Variants in DPP6 observed in about 807,000 individuals in gnomAD.
The protein encoded by DPP6 is A-type potassium channel modulatory protein DPP6.
In DPP6, 69 loss-of-function variants were observed where a neutral mutation model predicts 122.6. That is an observed-to-expected ratio of 0.56 (90% CI 0.46 to 0.69). DPP6 has a LOEUF of 0.69. Among genes scored for constraint, DPP6 ranks in the 30% least tolerant of loss-of-function variants. DPP6 has a pLI of 0.00. For missense variants in DPP6, 928 were observed against 1,116.9 expected (o/e 0.83, Z 2.41); for synonymous variants, 418 against 433.1 (o/e 0.97, Z 0.43).
the DPP6 span, among the ~76,000 whole-genome samples, chr7:153,858,206 A>G: frequency 6.6e-6 from 1 of 152,202 alleles, no homozygotes; most frequent in African/African-American, 2.4e-5. Context: ...CAGTTGAGTT[A>G]GAGTGAGCTC....
intron 1 of DPP6, among the ~76,000 whole-genome samples, chr7:153,965,502 A>G (rs1165766143): frequency 6.6e-6 from 1 of 151,924 alleles, no homozygotes; most frequent in East Asian, 1.9e-4. Flanking sequence ...TCCATGCACC[A>G]ATTCTTTTTA....
intron 1 of DPP6, among the ~76,000 whole-genome samples, chr7:154,178,568 C>T (rs1205340258): frequency 6.6e-6 from 1 of 151,418 alleles, no homozygotes; most frequent in East Asian, 1.9e-4. Context: ...TGCTCTGCAA[C>T]ATAGGCGAGA....
chr7:153,894,209 A>G (rs1425401051), intron 1 of DPP6, among the ~76,000 whole-genome samples: 1 of 152,202 alleles, frequency 6.6e-6, no homozygotes, highest in African/African-American at 2.4e-5. Context: ...CCCAATTTGT[A>G]TAATCAGCTT....
intron 1 of DPP6, among the ~76,000 whole-genome samples, chr7:154,123,078 C>A: frequency 6.6e-6 from 1 of 152,144 alleles, no homozygotes. Context: ...TGGCAAGACA[C>A]ATTGGGGTTA....
chr7:154,547,104 C>T (rs1404250449), intron 4 of DPP6, among the ~76,000 whole-genome samples: 1 of 152,230 alleles, frequency 6.6e-6, no homozygotes, highest in Non-Finnish European at 1.5e-5. Context: ...CAGGAACAGG[C>T]TGGCCCCCGG....
Position 154,241,213 on chromosome 7 carries a change from GTGTGTGTATA to G in DPP6, c.243+188152_243+188161del, listed in dbSNP as rs1801583603. The stretch of plus-strand genomic sequence containing the variant: ...TGTGTGTGTGTGTGTGTGTGTGTGT[GTGTGTGTATA>G]TATATATAGAGAGAGAGAGAGACAC... On this transcript the variant is annotated intron_variant, in intron 1 of 25. Transcript: ENST00000377770. The surrounding 1 kb of genome is among the most constrained non-coding windows in gnomAD (Gnocchi z 9.0). 1.3e-5 allele frequency among the ~76,000 whole-genome samples: 2 copies of G among 150,234 alleles called. No individual in the cohort carries two copies. Among genetic ancestry groups the G allele is most frequent in the African/African-American group, 5.0e-5 (2 of 39,916 alleles).
At chr7:154,572,352 C>A (rs1042871174) in intron 5 of DPP6, among the ~76,000 whole-genome samples, 3 of 151,928 alleles carry the variant, frequency 2.0e-5, no homozygotes, top group African/African-American at 7.3e-5. Flanking sequence ...ACCTATTTAT[C>A]TATATCTTAA....
At chr7:153,950,260 A>G (rs1017962218) in intron 1 of DPP6, among the ~76,000 whole-genome samples, 3 of 152,154 alleles carry the variant, frequency 2.0e-5, no homozygotes, top group African/African-American at 4.8e-5. Flanking sequence ...TCAGGTAGAC[A>G]TGGTAGGAAG....
chr7:154,594,898 G>T (rs531716273), intron 5 of DPP6, among the ~76,000 whole-genome samples: 1 of 152,158 alleles, frequency 6.6e-6, no homozygotes, highest in Non-Finnish European at 1.5e-5. Flanking sequence ...ACACAATGCC[G>T]GGCGGATTGT....
chr7:154,575,476 GGTGT>G (rs1215632221), intron 5 of DPP6, among the ~76,000 whole-genome samples: 1,098 of 30,530 alleles, frequency 0.036, 8 homozygotes, highest in South Asian at 0.046. Flanking sequence ...GTATGTGTGT[GGTGT>G]GTGTGTGGTG....
chr7:154,383,361 C>G (rs11523185), intron 1 of DPP6, among the ~76,000 whole-genome samples: 12,641 of 152,236 alleles, frequency 0.083, 579 homozygotes, highest in East Asian at 0.11. Context: ...CTTCACATCT[C>G]CTATTTCTTC....
intron 1 of DPP6, among the ~76,000 whole-genome samples, chr7:154,388,743 G>T (rs1017099071): frequency 1.3e-5 from 2 of 152,086 alleles, no homozygotes; most frequent in African/African-American, 4.8e-5. Context: ...GGTTTGGGGT[G>T]GAGCGTTGAC....
chr7:153,921,118 C>T (rs1800619104), intron 1 of DPP6, among the ~76,000 whole-genome samples: 1 of 152,212 alleles, frequency 6.6e-6, no homozygotes, highest in Non-Finnish European at 1.5e-5. Context: ...TGTTAGGAGC[C>T]ACTTGTGGCT....
In DPP6 at chr7:154,310,600, C is replaced by T. The variant is rs529765870; in HGVS notation, c.244-135614C>T. On this transcript the variant is annotated intron_variant, in intron 1 of 25. Transcript: ENST00000377770. ...TTCTGACATTCCATTAAACCAAATC[C>T]AGCCCCCTCATTCTCAATACTGTGG... 7.2e-5 allele frequency among the ~76,000 whole-genome samples: 11 copies of T among 152,258 alleles called. No homozygotes were observed. In the East Asian group the frequency reaches 2.1e-3, roughly 29 times the overall value.
At chr7:153,956,424 C>T (rs944676974) in intron 1 of DPP6, among the ~76,000 whole-genome samples, 4 of 152,272 alleles carry the variant, frequency 2.6e-5, no homozygotes, top group East Asian at 3.9e-4. Context: ...AGGAGATGGA[C>T]GAGCATCATG....
chr7:154,250,279 G>T (rs1016107071), intron 1 of DPP6, among the ~76,000 whole-genome samples: 2 of 152,214 alleles, frequency 1.3e-5, no homozygotes, highest in Admixed American at 1.3e-4. Context: ...GAGGGGTTTT[G>T]TCTGTGGCTC....
In DPP6 at chr7:154,669,426, T is replaced by C; in HGVS notation, c.747T>C (p.Pro249=). The C allele has an allele frequency of 3.2e-6, 5 of 1,554,586 alleles. No individual in the cohort carries two copies. In the Admixed American group the frequency reaches 9.8e-5, roughly 30 times the overall value. Residue 249 remains proline, a synonymous_variant, in exon 7 of 26, where the codon CCT becomes CCC. Coordinates refer to ENST00000377770, the MANE Select transcript of DPP6 (RefSeq NM_130797.4). ...AACTTCAGTATGCAGGATGGGGCCC[T>C]AAAGGCCAACAGCTGGTAAGCCAAT... is the stretch of plus-strand genomic sequence containing the variant. ...NAKLQYAGWG[P]KGQQLIFIFE...
intron 5 of DPP6, among the ~76,000 whole-genome samples, chr7:154,585,998 A>G (rs1832419099): frequency 6.6e-6 from 1 of 152,132 alleles, no homozygotes; most frequent in African/African-American, 2.4e-5. Context: ...CCCTAAGTGC[A>G]GGCTTGAGGT....
intron 7 of DPP6, among the ~76,000 whole-genome samples, chr7:154,700,265 G>A (rs55931324): frequency 0.062 from 9,426 of 152,270 alleles, 720 homozygotes; most frequent in East Asian, 0.23. Flanking sequence ...TTTCTACAAG[G>A]TTCTGGTGTA....
Sources: gnomAD v4.1 joint callset for allele counts (sites outside exome capture counted in the v4.1 genomes callset) on GRCh38, gnomAD v4.1.1 for gene constraint, Gnocchi (gnomAD v3.1) non-coding constraint, MANE v1.5 for transcripts, NCBI Gene and HGNC (gene_info 2026-07-23, HGNC 2026-07-21) for gene names.